NCKAP5: variants seen among roughly 807,000 people sequenced by gnomAD.
The protein encoded by NCKAP5 is nck-associated protein 5.
In NCKAP5, 92 loss-of-function variants were observed where a neutral mutation model predicts 167.0. The ratio of observed to expected loss-of-function variants is 0.55; its 90% CI spans 0.47 to 0.66. The LOEUF is 0.66. Ranked by LOEUF, NCKAP5 falls within the 30% of genes least tolerant of loss-of-function variation. The probability of loss-of-function intolerance (pLI) is 0.00; values close to 1 mark genes in which losing one functional copy is unlikely to be tolerated. For missense variants in NCKAP5, 2,378 were observed against 2,315.0 expected (o/e 1.03, Z -0.56); for synonymous variants, 891 against 877.4 (o/e 1.02, Z -0.27).
At chr2:133,084,644 C>T (rs1192619421) in intron 6 of NCKAP5, among the ~76,000 whole-genome samples, 1 of 152,128 alleles carries the variant, frequency 6.6e-6, no homozygotes, top group Non-Finnish European at 1.5e-5. Context: ...AGCTTTGGTT[C>T]CAAAAGTTCA....
chr2:133,131,496 G>A (rs1175271552), intron 5 of NCKAP5, among the ~76,000 whole-genome samples: 1 of 152,074 alleles, frequency 6.6e-6, no homozygotes, highest in African/African-American at 2.4e-5. Flanking sequence ...GATGCCTTAT[G>A]TGCAGATATA....
At chr2:133,629,770 C>T in the NCKAP5 span, among the ~76,000 whole-genome samples, 150 of 152,234 alleles carry the variant, frequency 9.9e-4, 1 homozygote, top group African/African-American at 3.5e-3. Flanking sequence ...AAATGTGGTA[C>T]ATATACACCA....
At chr2:133,418,317 AC>A (rs1472263422) in intron 3 of NCKAP5, among the ~76,000 whole-genome samples, 1 of 152,176 alleles carries the variant, frequency 6.6e-6, no homozygotes, top group Non-Finnish European at 1.5e-5. Flanking sequence ...CAAGCACAGA[AC>A]CTCAATTTCC....
chr2:133,643,857 A>AT, the NCKAP5 span, among the ~76,000 whole-genome samples: 1 of 152,234 alleles, frequency 6.6e-6, no homozygotes, highest in Admixed American at 6.5e-5. Flanking sequence ...ATCTCTAAGC[A>AT]TTTATACCTT....
intron 4 of NCKAP5, among the ~76,000 whole-genome samples, chr2:133,281,295 T>C (rs754629858): frequency 2.6e-5 from 4 of 152,258 alleles, no homozygotes; most frequent in Admixed American, 6.5e-5. Context: ...GCTTATATCA[T>C]TTCAAATTGT....
chr2:133,614,510 C>G, the NCKAP5 span, among the ~76,000 whole-genome samples: 4 of 151,908 alleles, frequency 2.6e-5, no homozygotes, highest in Non-Finnish European at 4.4e-5. Flanking sequence ...ATGCAGAAGC[C>G]TCAGGAGCCG....
chr2:133,053,500 T>C (rs906037904), intron 6 of NCKAP5, among the ~76,000 whole-genome samples: 1 of 152,202 alleles, frequency 6.6e-6, no homozygotes, highest in Admixed American at 6.5e-5. Context: ...TTCTGAAATA[T>C]AGCTTGGCTA....
chr2:132,834,794 A>G (rs1361412284), intron 11 of NCKAP5, among the ~76,000 whole-genome samples: 1 of 152,060 alleles, frequency 6.6e-6, no homozygotes, highest in Non-Finnish European at 1.5e-5. Flanking sequence ...CCCGGTCTGA[A>G]TGTCTTTTGT....
the NCKAP5 span, among the ~76,000 whole-genome samples, chr2:133,632,933 A>G: frequency 6.6e-6 from 1 of 152,052 alleles, no homozygotes; most frequent in African/African-American, 2.4e-5. Context: ...AAAAAGAATC[A>G]CCTTAAGTTT....
Position 132,782,114 on chromosome 2 carries a change from T to C in NCKAP5, c.4697A>G (p.Asn1566Ser), listed in dbSNP as rs184905727. ...KKPELQCETE[N>S]ELIKDTKSAD... is the part of the protein sequence containing the mutation. ...TGACTTGGTGTCCTTGATAAGCTCA[T>C]TTTCTGTCTCACACTGTAGTTCAGG... The change falls in exon 14 of 20, where the codon AAT (asparagine) becomes AGT (serine). Residue 1566 changes from asparagine (N) to serine (S), a missense_variant. This residue lies in a region of NCKAP5 where 1,325 missense variants were observed against 1,274.5 expected (regional missense o/e 1.04). Coordinates refer to ENST00000409261, the MANE Select transcript of NCKAP5 (RefSeq NM_207363.3). 172 of 1,614,070 alleles carry C rather than the reference T, an allele frequency of 1.1e-4. No homozygotes were observed. In the East Asian group the frequency reaches 3.8e-3, roughly 36 times the overall value.
chr2:133,278,769 C>A, intron 4 of NCKAP5, among the ~76,000 whole-genome samples: 1 of 139,704 alleles, frequency 7.2e-6, no homozygotes. Flanking sequence ...GGCTAATATC[C>A]ATCCCTAAAC....
intron 12 of NCKAP5, among the ~76,000 whole-genome samples, chr2:132,795,839 CA>C (rs1246383506): frequency 3.6e-5 from 4 of 110,634 alleles, no homozygotes; most frequent in Admixed American, 9.8e-5. Context: ...AAAAAAAAAA[CA>C]AAAAAAACAA....
At chr2:132,953,099 T>C (rs1176410343) in intron 8 of NCKAP5, among the ~76,000 whole-genome samples, 1 of 151,988 alleles carries the variant, frequency 6.6e-6, no homozygotes, top group Non-Finnish European at 1.5e-5. Flanking sequence ...ATCCAAAGAG[T>C]GTGAACAAGC....
At chr2:132,850,632 C>T (rs959124105) in intron 11 of NCKAP5, among the ~76,000 whole-genome samples, 2 of 152,062 alleles carry the variant, frequency 1.3e-5, no homozygotes, top group African/African-American at 2.4e-5. Flanking sequence ...GCATATTTGA[C>T]CACACTGGCC....
intron 6 of NCKAP5, among the ~76,000 whole-genome samples, chr2:133,023,295 T>G: frequency 6.6e-6 from 1 of 152,264 alleles, no homozygotes; most frequent in Non-Finnish European, 1.5e-5. Context: ...CACCAGCACT[T>G]TTTCATACTG....
At chr2:133,049,373 G>C (rs1032585356) in intron 6 of NCKAP5, among the ~76,000 whole-genome samples, 15 of 151,792 alleles carry the variant, frequency 9.9e-5, no homozygotes, top group African/African-American at 3.6e-4. Context: ...GTGAAACCCC[G>C]TCTCTACTAA....
At chr2:133,245,371 A>T (rs2087924470) in intron 4 of NCKAP5, among the ~76,000 whole-genome samples, 1 of 152,226 alleles carries the variant, frequency 6.6e-6, no homozygotes, top group South Asian at 2.1e-4. Context: ...AACAGCGAGA[A>T]AAAAACAAAC....
intron 6 of NCKAP5, among the ~76,000 whole-genome samples, chr2:133,121,717 A>G (rs1369912024): frequency 6.6e-6 from 1 of 151,998 alleles, no homozygotes; most frequent in Non-Finnish European, 1.5e-5. Context: ...TGCTTACTAT[A>G]TGGCTCTGTG....
At chr2:133,086,861 G>T (rs964621226) in intron 6 of NCKAP5, among the ~76,000 whole-genome samples, 4 of 152,160 alleles carry the variant, frequency 2.6e-5, no homozygotes, top group Admixed American at 6.5e-5. Flanking sequence ...GGAGATCTGA[G>T]ATGATTTTAG....
Sources: allele counts gnomAD v4.1 joint callset (sites outside exome capture counted in the v4.1 genomes callset), GRCh38; gene constraint gnomAD v4.1.1; regional missense constraint gnomAD v4.1.1; transcripts MANE v1.5; gene names NCBI Gene and HGNC (gene_info 2026-07-23, HGNC 2026-07-21).